ERG: variants seen among roughly 807,000 people sequenced by gnomAD.
The protein encoded by ERG is ETS transcription factor ERG.
Under a neutral mutation model 55.3 loss-of-function variants are expected in ERG, and 9 were observed. The ratio of observed to expected loss-of-function variants is 0.16; its 90% CI spans 0.10 to 0.28. ERG has a LOEUF of 0.28. Ranked by LOEUF, ERG falls within the 10% of genes least tolerant of loss-of-function variation. The pLI, the probability that ERG is intolerant of heterozygous loss-of-function variation, is 1.00. For missense variants in ERG, 434 were observed against 631.6 expected (o/e 0.69, Z 3.35); for synonymous variants, 223 against 237.3 (o/e 0.94, Z 0.55).
intron 2 of ERG, among the ~76,000 whole-genome samples, chr21:38,513,344 A>G (rs961907559): frequency 6.6e-6 from 1 of 152,144 alleles, no homozygotes; most frequent in Non-Finnish European, 1.5e-5. Flanking sequence ...TTCCCCAAAA[A>G]CAGGGAATAT....
chr21:38,445,255 C>T lies in ERG; in HGVS notation c.236+149G>A, dbSNP rs951943619. The T allele has an allele frequency of 3.1e-5, 20 of 642,100 alleles. No homozygotes were observed. The South Asian group carries it at 3.8e-4, about 12-fold the overall frequency. The allele number at this position is 642,100 out of a possible 1,614,324, so 39.8% of individuals were successfully genotyped here. On this transcript the variant is annotated intron_variant, in intron 2 of 9. Transcript: ENST00000288319. ...CTCCTGGATTCAAGTGATTCTCCTG[C>T]CTCAGGCTCCCGAGTAGCTGGGATT...
chr21:38,547,589 A>G (rs1799678864), intron 2 of ERG, among the ~76,000 whole-genome samples: 1 of 152,244 alleles, frequency 6.6e-6, no homozygotes, highest in South Asian at 2.1e-4. Flanking sequence ...AAGGGCTTTT[A>G]TTAGTGCTAA....
Position 38,383,310 on chromosome 21 carries a change from C to A in ERG, c.*93G>T. On this transcript the variant is annotated 3_prime_UTR_variant, in exon 10 of 10. Transcript: ENST00000288319. This position sits in a 1 kb window ranked among gnomAD's most constrained non-coding sequence, Gnocchi z 5.7. ...CAGCCCCAGTAAAGCTTTTTTCATTCCTCTTGAGGCACTTTTGATTCATGT... is the reference window on the plus strand; with the variant it reads ...CAGCCCCAGTAAAGCTTTTTTCATTACTCTTGAGGCACTTTTGATTCATGT... 3.0e-6 allele frequency: 4 copies of A among 1,345,674 alleles called. No homozygotes were observed. The highest frequency in any genetic ancestry group is 2.9e-6 in the Non-Finnish European group (3 of 1,043,688). The allele number at this position is 1,345,674 out of a possible 1,614,324, so 83.4% of individuals were successfully genotyped here. A position where few individuals can be genotyped will look rare whatever the true frequency, so the allele number is the denominator to read the frequency against.
At chr21:38,630,152 A>G (rs1249190296) in intron 1 of ERG, among the ~76,000 whole-genome samples, 1 of 152,052 alleles carries the variant, frequency 6.6e-6, no homozygotes, top group Non-Finnish European at 1.5e-5. Context: ...TTTTTGGGGG[A>G]TGATGATTTT....
chr21:38,435,067 C>A (rs1990386146), intron 2 of ERG, among the ~76,000 whole-genome samples: 2 of 152,156 alleles, frequency 1.3e-5, no homozygotes, highest in African/African-American at 4.8e-5. Context: ...AATGGAAAGG[C>A]TTTCTTTGGC....
In ERG at chr21:38,628,443, C is replaced by T. The variant is rs530004272; in HGVS notation, c.-150+33215G>A. On this transcript the variant is annotated intron_variant, in intron 1 of 10. Coordinates refer to the ERG transcript ENST00000398910. Reference sequence around the variant, plus strand: ...AATGACTGATGGGCTCCATACACTACCCAGAATGACTAACACATCAATGAA... The same window carrying T: ...AATGACTGATGGGCTCCATACACTATCCAGAATGACTAACACATCAATGAA... Among the ~76,000 whole-genome samples the T allele has an allele frequency of 2.0e-5, 3 of 152,250 alleles. No individual in the cohort carries two copies. In the East Asian group the frequency reaches 5.8e-4, roughly 29 times the overall value.
chr21:38,493,196 T>C (rs1270771316), intron 1 of ERG, among the ~76,000 whole-genome samples: 1 of 152,332 alleles, frequency 6.6e-6, no homozygotes, highest in East Asian at 1.9e-4. Context: ...ATTAAATAGA[T>C]GGTGTACTGC....
chr21:38,599,553 C>G (rs939007759), intron 1 of ERG, among the ~76,000 whole-genome samples: 1 of 152,206 alleles, frequency 6.6e-6, no homozygotes, highest in Admixed American at 6.5e-5. Context: ...GAACCAGAGG[C>G]AGAGGTCAGT....
intron 3 of ERG, among the ~76,000 whole-genome samples, chr21:38,406,450 CCT>C (rs1988778122): frequency 6.6e-6 from 1 of 152,020 alleles, no homozygotes; most frequent in Non-Finnish European, 1.5e-5. Flanking sequence ...TGTCAGAATT[CCT>C]CTTTCTACAA....
At chr21:38,508,004 C>T (rs796906889) in intron 2 of ERG, among the ~76,000 whole-genome samples, 3 of 8,656 alleles carry the variant, frequency 3.5e-4, no homozygotes, top group African/African-American at 5.3e-4. Flanking sequence ...CACATGCACA[C>T]ACACAGAGAC....
intron 2 of ERG, among the ~76,000 whole-genome samples, chr21:38,569,302 C>T (rs1341367655): frequency 6.6e-6 from 1 of 152,206 alleles, no homozygotes; most frequent in Non-Finnish European, 1.5e-5. Flanking sequence ...CTCACAAAGC[C>T]AAGGCAGGAG....
intron 1 of ERG, among the ~76,000 whole-genome samples, chr21:38,590,738 T>G (rs1006988898): frequency 2.6e-5 from 4 of 152,180 alleles, no homozygotes; most frequent in African/African-American, 9.7e-5. Context: ...CTGAGTTCCC[T>G]CCATGTGCCA....
chr21:38,449,736 C>T (rs1451248209), intron 1 of ERG, among the ~76,000 whole-genome samples: 1 of 152,054 alleles, frequency 6.6e-6, no homozygotes, highest in Non-Finnish European at 1.5e-5. Flanking sequence ...AAAATAAAGG[C>T]CCAAAATTGA....
chr21:38,440,098 A>G (rs1485617220), intron 2 of ERG, among the ~76,000 whole-genome samples: 1 of 152,218 alleles, frequency 6.6e-6, no homozygotes, highest in Admixed American at 6.5e-5. Context: ...GTAATATTTG[A>G]CTTACGTAAC....
intron 1 of ERG, among the ~76,000 whole-genome samples, chr21:38,629,327 A>G (rs1261492535): frequency 6.6e-6 from 1 of 152,240 alleles, no homozygotes; most frequent in African/African-American, 2.4e-5. Context: ...GAAAGGTGCA[A>G]ACCTTTCCAC....
chr21:38,639,478 T>C (rs2060410510), intron 1 of ERG, among the ~76,000 whole-genome samples: 1 of 150,108 alleles, frequency 6.7e-6, no homozygotes, highest in Non-Finnish European at 1.5e-5. Context: ...GTTCAACATC[T>C]AAATAACAAG....
At chr21:38,409,715 G>A (rs574113092) in intron 3 of ERG, among the ~76,000 whole-genome samples, 99 of 152,276 alleles carry the variant, frequency 6.5e-4, no homozygotes, top group South Asian at 4.6e-3. Flanking sequence ...AAGAAAAAGG[G>A]AGAAATTTGG....
chr21:38,380,178 G>C lies in ERG; in HGVS notation c.*3225C>G. On this transcript the variant is annotated 3_prime_UTR_variant, in exon 10 of 10. Transcript: ENST00000288319. ...TCCAGGCAATGGGTCACTTTGGGGC[G>C]CTGCAGAACATCTGTGCTTTCCCTG... 1 of 1,046,714 alleles carries C rather than the reference G, an allele frequency of 9.6e-7. No homozygotes were observed. The allele number at this position is 1,046,714 out of a possible 1,614,324, so 64.8% of individuals were successfully genotyped here.
At chr21:38,407,362 G>C (rs1988819054) in intron 3 of ERG, among the ~76,000 whole-genome samples, 1 of 152,022 alleles carries the variant, frequency 6.6e-6, no homozygotes, top group Admixed American at 6.6e-5. Flanking sequence ...GTTCAAAGTA[G>C]ATTGCATTTT....
Sources: gnomAD v4.1 joint callset for allele counts (sites outside exome capture counted in the v4.1 genomes callset) on GRCh38, gnomAD v4.1.1 for gene constraint, Gnocchi (gnomAD v3.1) non-coding constraint, MANE v1.5 for transcripts, NCBI Gene and HGNC (gene_info 2026-07-23, HGNC 2026-07-21) for gene names.